The following LTBP1 variants were observed in gnomAD, a reference collection of about 807,000 sequenced individuals.
LTBP1 encodes the protein latent transforming growth factor beta binding protein 1.
Under a neutral mutation model 207.6 loss-of-function variants are expected in LTBP1, and 129 were observed. That is an observed-to-expected ratio of 0.62 (90% CI 0.54 to 0.72). LTBP1 has a LOEUF of 0.72. LTBP1 is among the 30% of genes least tolerant of loss of function. The pLI is 0.00. For synonymous variants in LTBP1, 963 were observed against 833.7 expected, an observed-to-expected ratio of 1.16 and a Z score of -2.67; for missense variants, 2,281 against 2,217.2, an observed-to-expected ratio of 1.03 and a Z score of -0.58.
At chr2:33,223,104 C>A (rs1014333879) in intron 9 of LTBP1, among the ~76,000 whole-genome samples, 11 of 152,130 alleles carry the variant, frequency 7.2e-5, no homozygotes, top group African/African-American at 2.7e-4. Flanking sequence ...AGATTAAGGT[C>A]ATGTTACAGA....
At chr2:32,983,455 A>G (rs1199144136) in intron 2 of LTBP1, among the ~76,000 whole-genome samples, 4 of 151,942 alleles carry the variant, frequency 2.6e-5, no homozygotes, top group Non-Finnish European at 4.4e-5. Context: ...ACTTCGGGGG[A>G]CTGTTGGGAA....
chr2:33,325,942 T>G (rs982152463), intron 24 of LTBP1, among the ~76,000 whole-genome samples: 3 of 152,178 alleles, frequency 2.0e-5, no homozygotes, highest in Non-Finnish European at 4.4e-5. Flanking sequence ...CATACACTTT[T>G]TCTGTTTTAT....
chr2:33,293,751 A>C (rs778924621), intron 20 of LTBP1, among the ~76,000 whole-genome samples: 1 of 152,290 alleles, frequency 6.6e-6, no homozygotes. Flanking sequence ...ATGAATATTC[A>C]TATTTCGTGG....
chr2:33,212,176 T>C (rs2090359190), intron 7 of LTBP1, among the ~76,000 whole-genome samples: 1 of 152,268 alleles, frequency 6.6e-6, no homozygotes, highest in Non-Finnish European at 1.5e-5. Flanking sequence ...TTCATACAGA[T>C]GTGCACATAG....
chr2:33,188,195 C>T (rs2087413312), intron 6 of LTBP1, among the ~76,000 whole-genome samples: 1 of 152,036 alleles, frequency 6.6e-6, no homozygotes, highest in South Asian at 2.1e-4. Flanking sequence ...CCAAGGCAGG[C>T]GGATCACCTG....
chr2:33,318,087 A>G (rs1445084908), intron 24 of LTBP1: 2 of 152,132 alleles, frequency 1.3e-5, no homozygotes, highest in Non-Finnish European at 1.5e-5. Context: ...AGATTTTTGG[A>G]TTAGGGATGC....
chr2:33,092,234 A>G (rs1397984560), intron 3 of LTBP1, among the ~76,000 whole-genome samples: 1 of 152,200 alleles, frequency 6.6e-6, no homozygotes, highest in Non-Finnish European at 1.5e-5. Context: ...CAGAATTCCA[A>G]GGCACCCAGA....
chr2:33,399,107 T>G lies in LTBP1; in HGVS notation c.*562T>G, dbSNP rs1390204365. 3.3e-5 allele frequency: 5 copies of G among 152,680 alleles called. No individual in the cohort carries two copies. Among genetic ancestry groups the G allele is most frequent in the Non-Finnish European group, 5.9e-5 (4 of 68,052 alleles). 9.5% of individuals were successfully genotyped at this position (152,680 alleles called of 1,614,324 possible). ...TCCTGTGGAGCAGGCAGTGATTTTGTTCCAAAACTTTGTATACACATTTGG... is the reference window on the plus strand; with the variant it reads ...TCCTGTGGAGCAGGCAGTGATTTTGGTCCAAAACTTTGTATACACATTTGG... On this transcript the variant is annotated 3_prime_UTR_variant, in exon 34 of 34. Transcript: ENST00000404816.
At chr2:33,025,422 A>G (rs184764354) in intron 3 of LTBP1, among the ~76,000 whole-genome samples, 2 of 152,344 alleles carry the variant, frequency 1.3e-5, no homozygotes, top group Admixed American at 6.5e-5. Flanking sequence ...CAACAAAACA[A>G]TTCCAAAAAG....
At chr2:33,277,811 T>C (rs529931052) in intron 18 of LTBP1, among the ~76,000 whole-genome samples, 166 of 102,390 alleles carry the variant, frequency 1.6e-3, no homozygotes, top group Admixed American at 3.3e-3. Flanking sequence ...CTCTCTTTCT[T>C]TTTTTCTTTC....
At chr2:33,179,886 C>T (rs2086444507) in intron 5 of LTBP1, among the ~76,000 whole-genome samples, 1 of 152,136 alleles carries the variant, frequency 6.6e-6, no homozygotes, top group Admixed American at 6.5e-5. Flanking sequence ...TACAGACTGC[C>T]TTATATCCTT....
intron 4 of LTBP1, among the ~76,000 whole-genome samples, chr2:33,123,406 A>G (rs1413375385): frequency 6.7e-6 from 1 of 148,168 alleles, no homozygotes; most frequent in Non-Finnish European, 1.5e-5. Context: ...TTTTTTTGGT[A>G]TGGGTTTTCT....
intron 3 of LTBP1, among the ~76,000 whole-genome samples, chr2:33,034,355 G>A (rs1028597): frequency 0.097 from 14,709 of 152,108 alleles, 949 homozygotes; most frequent in Non-Finnish European, 0.14. Context: ...TATAATTAAG[G>A]TATTTAAGTT....
intron 33 of LTBP1, among the ~76,000 whole-genome samples, chr2:33,397,602 G>C (rs2095371016): frequency 7.0e-6 from 1 of 143,130 alleles, no homozygotes; most frequent in Non-Finnish European, 1.5e-5. Context: ...CTGCCTCCCA[G>C]GTTCAAGCAA....
At chr2:33,182,079 T>C (rs2086695713) in intron 5 of LTBP1, among the ~76,000 whole-genome samples, 1 of 152,160 alleles carries the variant, frequency 6.6e-6, no homozygotes, top group African/African-American at 2.4e-5. Context: ...AGAATAGATA[T>C]TTTATTTATT....
chr2:33,270,243 G>GT lies in LTBP1; in HGVS notation c.2618-3412dup, dbSNP rs199936099. Among the ~76,000 whole-genome samples, 1,088 of 151,504 alleles carry GT rather than the reference G, an allele frequency of 7.2e-3. 9 individuals are homozygous for GT. The highest frequency in any genetic ancestry group is 0.023 in the African/African-American group (962 of 41,364). On this transcript the variant is annotated intron_variant, in intron 15 of 33. Transcript: ENST00000404816. ...CCTCTGATGTTCAACTTTTTGATAAGTAGTGAATAGAAAGCAGACAGGGGT... is the reference window on the plus strand; with the variant it reads ...CCTCTGATGTTCAACTTTTTGATAAGTTAGTGAATAGAAAGCAGACAGGGGT...
chr2:32,991,593 G>A (rs146027907), intron 2 of LTBP1, among the ~76,000 whole-genome samples: 1 of 152,308 alleles, frequency 6.6e-6, no homozygotes, highest in Non-Finnish European at 1.5e-5. Context: ...ATTGATGCTT[G>A]GTTAAGTGAC....
Position 32,988,462 on chromosome 2 carries a change from A to G in LTBP1, c.566-32447A>G, listed in dbSNP as rs577934585. Reference sequence around the variant, plus strand: ...ATAGGAACCCTAGGATTCAGGTTATATGGAGCCAGCTCTTTAATTCTGAGA... The same window carrying G: ...ATAGGAACCCTAGGATTCAGGTTATGTGGAGCCAGCTCTTTAATTCTGAGA... On this transcript the variant is annotated intron_variant, in intron 2 of 33. Coordinates refer to ENST00000404816, the MANE Select transcript of LTBP1 (RefSeq NM_206943.4). Among the ~76,000 whole-genome samples the G allele has an allele frequency of 5.9e-5, 9 of 152,320 alleles. 1 individual carries two copies. The South Asian group carries it at 1.5e-3, about 25-fold the overall frequency.
chr2:33,019,354 T>TTG (rs1491048367), intron 2 of LTBP1, among the ~76,000 whole-genome samples: 1 of 141,326 alleles, frequency 7.1e-6, no homozygotes, highest in East Asian at 2.0e-4. Flanking sequence ...TTTTTTTTTT[T>TTG]GAGACCAAGT....
Sources: gnomAD v4.1 joint callset for allele counts (sites outside exome capture counted in the v4.1 genomes callset) on GRCh38, gnomAD v4.1.1 for gene constraint, MANE v1.5 for transcripts, NCBI Gene and HGNC (gene_info 2026-07-23, HGNC 2026-07-21) for gene names.